The following ADA variants were observed in gnomAD, a reference collection of about 807,000 sequenced individuals.
ADA encodes the protein adenosine deaminase.
ADA carries 45 observed loss-of-function variants against 49.0 expected under a neutral mutation model. The ratio of observed to expected loss-of-function variants is 0.92; its 90% CI spans 0.72 to 1.18. The LOEUF is 1.18. Ranked by LOEUF, ADA falls within the 50% of genes most tolerant of loss-of-function variation. The pLI, the probability that ADA is intolerant of heterozygous loss-of-function variation, is 0.00. For missense variants in ADA, 445 were observed against 472.5 expected (o/e 0.94, Z 0.54); for synonymous variants, 173 against 184.2 (o/e 0.94, Z 0.49).
At chr20:44,625,781 G>A (rs1478870132) in intron 4 of ADA, 97 bp from the exon 5 acceptor site, 1 of 1,042,168 alleles carries the variant, frequency 9.6e-7, no homozygotes, top group East Asian at 2.6e-5. Context: ...AGGCTTTGGG[G>A]AGGACCCTCC....
rs2123504628 is a variant in ADA at position 44,619,633 on chromosome 20, T to C, written c.*201A>G. ...GCCCATGTGCAAGGGCGCTGGTCCC[T>C]GGCCAGGGCACATAATCAGAGAAGT... On this transcript the variant is annotated 3_prime_UTR_variant, in exon 12 of 12. Coordinates refer to ENST00000372874, the MANE Select transcript of ADA (RefSeq NM_000022.4). 1 of 655,464 alleles carries C rather than the reference T, an allele frequency of 1.5e-6. No individual in the cohort carries two copies. The highest frequency in any genetic ancestry group is 2.7e-6 in the Non-Finnish European group (1 of 375,086). The allele number at this position is 655,464 out of a possible 1,614,324, so 40.6% of individuals were successfully genotyped here. A position where few individuals can be genotyped will look rare whatever the true frequency, so the allele number is the denominator to read the frequency against.
At chr20:44,649,552 C>T (rs2065622435) in intron 1 of ADA, among the ~76,000 whole-genome samples, 1 of 151,814 alleles carries the variant, frequency 6.6e-6, no homozygotes, top group Non-Finnish European at 1.5e-5. Context: ...GATCTGCCAG[C>T]TTGAATCAGA....
chr20:44,635,841 TGA>T (rs1361645170), intron 2 of ADA, among the ~76,000 whole-genome samples: 19 of 151,598 alleles, frequency 1.3e-4, no homozygotes, highest in Admixed American at 1.2e-3. Context: ...GAGGTTGCAG[TGA>T]GCCGAGATCA....
intron 2 of ADA, 34 bp downstream of exon 2, chr20:44,636,193 C>T: frequency 6.3e-7 from 1 of 1,582,990 alleles, no homozygotes; most frequent in Non-Finnish European, 8.6e-7. Flanking sequence ...CCACTCAAAT[C>T]CCAGGGAGAG....
intron 2 of ADA, among the ~76,000 whole-genome samples, chr20:44,630,172 C>G (rs1219858475): frequency 2.6e-5 from 4 of 151,796 alleles, no homozygotes; most frequent in Non-Finnish European, 5.9e-5. Flanking sequence ...TGGTGAAACC[C>G]CGTCTCTACC....
At chr20:44,629,650 A>T (rs899930154) in intron 2 of ADA, among the ~76,000 whole-genome samples, 1 of 152,162 alleles carries the variant, frequency 6.6e-6, no homozygotes, top group African/African-American at 2.4e-5. Context: ...TTCACCCTCC[A>T]TCTGGCTGGC....
At chr20:44,651,234 C>T (rs1441358935) in intron 1 of ADA, among the ~76,000 whole-genome samples, 1 of 152,210 alleles carries the variant, frequency 6.6e-6, no homozygotes, top group Admixed American at 6.5e-5. Context: ...GACATCGGGC[C>T]TGATCATACA....
intron 1 of ADA, among the ~76,000 whole-genome samples, chr20:44,650,672 G>T (rs2065636188): frequency 6.6e-6 from 1 of 152,128 alleles, no homozygotes; most frequent in African/African-American, 2.4e-5. Context: ...GGACTCAAAT[G>T]ATCCTCCCGC....
At chr20:44,635,702 C>G (rs142663553) in intron 2 of ADA, among the ~76,000 whole-genome samples, 1 of 152,114 alleles carries the variant, frequency 6.6e-6, no homozygotes, top group Admixed American at 6.6e-5. Flanking sequence ...AGTTCGAGAC[C>G]AGCCTGGCCA....
intron 1 of ADA, among the ~76,000 whole-genome samples, chr20:44,649,872 A>T (rs2065626931): frequency 6.6e-6 from 1 of 151,590 alleles, no homozygotes; most frequent in African/African-American, 2.4e-5. Flanking sequence ...CGTAGCTGGG[A>T]CTACAGGCGC....
rs2065310236 is a variant in ADA, at chr20:44,619,811, G to A, written c.*23C>T. On this transcript the variant is annotated 3_prime_UTR_variant, in exon 12 of 12. Transcript: ENST00000372874. ...CAGAGTTGGGGTGACTCCACAGGGT[G>A]AAGGCTTGGAGGAGTGGCGTCTTCA... 1.9e-6 allele frequency: 3 copies of A among 1,614,196 alleles called. No individual in the cohort carries two copies. Among genetic ancestry groups the A allele is most frequent in the Middle Eastern group, 1.6e-4 (1 of 6,062 alleles).
intron 2 of ADA, among the ~76,000 whole-genome samples, chr20:44,629,685 C>T (rs868376313): frequency 1.3e-5 from 2 of 152,166 alleles, no homozygotes; most frequent in South Asian, 2.1e-4. Flanking sequence ...CCCAGCCCAG[C>T]GCACTGGGAG....
At chr20:44,636,413 C>G (rs2145338482) in intron 1 of ADA, 125 bp from the exon 2 acceptor site, 2 of 824,996 alleles carry the variant, frequency 2.4e-6, no homozygotes, top group East Asian at 5.4e-5. Flanking sequence ...CACCATTTTA[C>G]TGGCTGGCTG....
chr20:44,644,079 G>T (rs544891118), intron 1 of ADA, among the ~76,000 whole-genome samples: 1 of 145,198 alleles, frequency 6.9e-6, no homozygotes, highest in Non-Finnish European at 1.5e-5. Flanking sequence ...GAGCAGGGCC[G>T]TCTACCTCCA....
chr20:44,620,448 A>G, intron 10 of ADA, 47 bp from the exon 11 acceptor site: 2 of 1,512,722 alleles, frequency 1.3e-6, no homozygotes, highest in African/African-American at 2.7e-5. Flanking sequence ...AGAACAAAGA[A>G]GGCAGCTCTT....
chr20:44,620,643 G>A (rs912974220), intron 10 of ADA: 6 of 597,130 alleles, frequency 1.0e-5, no homozygotes, highest in African/African-American at 1.8e-5. Context: ...GAGAGACAGG[G>A]TGGCATGTAG....
chr20:44,636,142 C>A lies in ADA; in HGVS notation c.95+85G>T, dbSNP rs2065477699. The A allele has an allele frequency of 1.6e-5, 20 of 1,239,458 alleles. No homozygotes were observed. The South Asian group carries it at 2.6e-4, about 16-fold the overall frequency. 76.8% of individuals were successfully genotyped at this position (1,239,458 alleles called of 1,614,324 possible). A position where few individuals can be genotyped will look rare whatever the true frequency, so the allele number is the denominator to read the frequency against. ...ACAGGGAGACAGGAAGGAACAGTGA[C>A]CCTGGAATTCCCCAGGGGCCTCTGG... is the stretch of plus-strand genomic sequence containing the variant. On this transcript the variant is annotated intron_variant, in intron 2 of 11. Transcript: ENST00000372874.
intron 1 of ADA, among the ~76,000 whole-genome samples, chr20:44,645,218 C>T (rs191268105): frequency 1.5e-3 from 233 of 151,938 alleles, no homozygotes; most frequent in African/African-American, 4.0e-3. Flanking sequence ...GGAGGACCAG[C>T]GGGGGCAAGT....
At chr20:44,640,625 T>C (rs2065523467) in intron 1 of ADA, among the ~76,000 whole-genome samples, 1 of 146,930 alleles carries the variant, frequency 6.8e-6, no homozygotes. Flanking sequence ...CGAGATTAAA[T>C]CACTTTACTC....
Sources: allele counts gnomAD v4.1 joint callset (sites outside exome capture counted in the v4.1 genomes callset), GRCh38; gene constraint gnomAD v4.1.1; transcripts MANE v1.5; gene names NCBI Gene and HGNC (gene_info 2026-07-23, HGNC 2026-07-21).